Variants in ANO4 observed in about 807,000 individuals in gnomAD.
ANO4 encodes anoctamin 4, also known as anoctamin-4.
In ANO4, 69 loss-of-function variants were observed where a neutral mutation model predicts 141.9. The ratio of observed to expected loss-of-function variants is 0.49; its 90% confidence interval spans 0.40 to 0.59. The LOEUF (loss-of-function observed/expected upper bound fraction) is 0.59, where lower values mean the gene tolerates loss of function less well. ANO4 is among the 20% of genes least tolerant of loss of function. The pLI, the probability that ANO4 is intolerant of heterozygous loss-of-function variation, is 0.00. For synonymous variants in ANO4, 350 were observed against 394.3 expected (o/e 0.89, Z 1.33); for missense variants, 894 against 1,162.2 (o/e 0.77, Z 3.36).
chr12:101,086,742 C>A lies in ANO4; in HGVS notation c.1619C>A (p.Ala540Glu). ...AGCACTTTCGCTGCCTTTAAGTGGG[C>A]GTTAATCAGGAATAACTCTCAGGTT... Reference protein sequence around the residue: ...TVSTFAAFKWALIRNNSQVAT... With the variant: ...TVSTFAAFKWELIRNNSQVAT... Residue 540 changes from alanine (A) to glutamate (E), a missense_variant, in exon 17 of 28, where the codon GCG becomes GAG. Ala to Glu is a moderately radical substitution (Grantham distance 107, BLOSUM62 -1). Coordinates refer to ENST00000392977, the MANE Select transcript of ANO4 (RefSeq NM_001286615.2). 6.2e-7 allele frequency: 1 copy of A among 1,613,734 alleles called. No homozygotes were observed. Among genetic ancestry groups the A allele is most frequent in the African/African-American group, 1.3e-5 (1 of 74,984 alleles).
Position 101,122,262 on chromosome 12 carries a change from T to C in ANO4, c.2676+1637T>C, listed in dbSNP as rs866582756. Among the ~76,000 whole-genome samples, 3 of 152,370 alleles carry C rather than the reference T, an allele frequency of 2.0e-5. No homozygotes were observed. The South Asian group carries it at 6.2e-4, about 32-fold the overall frequency. On this transcript the variant is annotated intron_variant, in intron 26 of 27. Transcript: ENST00000392977. ...TTTGTTTTTTACATGTTGATTTGTTTAAGTTCCTTACAGATTCTGGGTATT... is the reference window on the plus strand; with the variant it reads ...TTTGTTTTTTACATGTTGATTTGTTCAAGTTCCTTACAGATTCTGGGTATT...
chr12:100,912,084 A>G (rs548662181), intron 2 of ANO4, among the ~76,000 whole-genome samples: 2 of 152,170 alleles, frequency 1.3e-5, no homozygotes, highest in South Asian at 4.1e-4. Context: ...ACAGACCCCA[A>G]CTAAAACCCA....
At chr12:100,755,872 T>C (rs1223890263) in intron 3 of ANO4, among the ~76,000 whole-genome samples, 4 of 152,198 alleles carry the variant, frequency 2.6e-5, no homozygotes, top group African/African-American at 9.6e-5. Flanking sequence ...CCACTTTCTC[T>C]GTGCTAGGGG....
chr12:100,909,754 G>A (rs2041017252), intron 2 of ANO4, among the ~76,000 whole-genome samples: 1 of 152,124 alleles, frequency 6.6e-6, no homozygotes, highest in African/African-American at 2.4e-5. Flanking sequence ...CTGAAAGCAA[G>A]CTTTATCGTT....
At chr12:100,908,373 A>G (rs1273141064) in intron 2 of ANO4, among the ~76,000 whole-genome samples, 1 of 152,116 alleles carries the variant, frequency 6.6e-6, no homozygotes, top group Non-Finnish European at 1.5e-5. Context: ...AAACAAAACA[A>G]AAAAACATCA....
intron 9 of ANO4, among the ~76,000 whole-genome samples, chr12:101,027,449 T>A (rs1036661940): frequency 2.6e-5 from 4 of 152,306 alleles, no homozygotes; most frequent in African/African-American, 7.2e-5. Flanking sequence ...CATAACTGCC[T>A]GATAAGCTAA....
At chr12:100,717,871 G>A (rs1401697529) in intron 1 of ANO4, among the ~76,000 whole-genome samples, 1 of 152,218 alleles carries the variant, frequency 6.6e-6, no homozygotes, top group Non-Finnish European at 1.5e-5. Context: ...CTAGCGGGGT[G>A]AGGCTTGGAG....
intron 1 of ANO4, among the ~76,000 whole-genome samples, chr12:100,728,613 T>C (rs1199864464): frequency 1.3e-5 from 2 of 152,222 alleles, no homozygotes; most frequent in African/African-American, 4.8e-5. Context: ...AATAGAGTTA[T>C]ACCTTAAAAG....
intron 3 of ANO4, among the ~76,000 whole-genome samples, chr12:100,784,031 G>A (rs933609091): frequency 1.3e-5 from 2 of 152,022 alleles, no homozygotes; most frequent in African/African-American, 2.4e-5. Context: ...TGCTGCCTAC[G>A]GCAAGTGCAA....
chr12:101,065,091 T>G (rs1393494131), intron 14 of ANO4, among the ~76,000 whole-genome samples: 1 of 152,166 alleles, frequency 6.6e-6, no homozygotes, highest in Non-Finnish European at 1.5e-5. Flanking sequence ...AGTGCTTTGT[T>G]TAAGTGAAAA....
rs138988387 is a variant in ANO4 at position 101,030,882 on chromosome 12, C to G, written c.842-6213C>G. Among the ~76,000 whole-genome samples, 295 of 152,024 alleles carry G rather than the reference C, an allele frequency of 1.9e-3. 4 individuals are homozygous for G. In the South Asian group the frequency reaches 0.032, roughly 16 times the overall value. On this transcript the variant is annotated intron_variant, in intron 9 of 27. Coordinates refer to ENST00000392977, the MANE Select transcript of ANO4 (RefSeq NM_001286615.2). Reference sequence around the variant, plus strand: ...CGCAGACACTCTCCCAAGGCTCAACCAGGAAGAAGTTGAATCCCTGAATAG... The same window carrying G: ...CGCAGACACTCTCCCAAGGCTCAACGAGGAAGAAGTTGAATCCCTGAATAG...
rs2036979538 is a variant in ANO4 at position 100,837,296 on chromosome 12, A to ATT, written c.-141+42269_-141+42270insTT. Among the ~76,000 whole-genome samples the ATT allele has an allele frequency of 6.6e-5, 10 of 152,212 alleles. 1 individual carries two copies. The South Asian group carries it at 2.1e-3, about 32-fold the overall frequency. ...CATATGAGATAAATAGTACTGTTAT[A>ATT]ATATCATTTTCGTTTGGCAGATAAG... On this transcript the variant is annotated intron_variant, in intron 1 of 27. Transcript: ENST00000392977.
At chr12:101,113,550 C>T (rs567977346) in intron 24 of ANO4, among the ~76,000 whole-genome samples, 2 of 152,216 alleles carry the variant, frequency 1.3e-5, no homozygotes, top group Admixed American at 1.3e-4. Context: ...ATCCATTAGT[C>T]ATTTTTCATG....
chr12:100,822,305 G>T (rs553605841), intron 1 of ANO4, among the ~76,000 whole-genome samples: 1 of 152,116 alleles, frequency 6.6e-6, no homozygotes, highest in Non-Finnish European at 1.5e-5. Flanking sequence ...TCCTTGACCA[G>T]TCAGCAGGTA....
rs1033536545 is a variant in ANO4, at chr12:101,128,314, C to T, written c.*458C>T. Reference sequence around the variant, plus strand: ...CATGTCACCAACAACACAGACAAGACCCTGTTTACAACTTTTTCTTTCCTT... The same window carrying T: ...CATGTCACCAACAACACAGACAAGATCCTGTTTACAACTTTTTCTTTCCTT... On this transcript the variant is annotated 3_prime_UTR_variant, in exon 28 of 28. Transcript: ENST00000392977. The T allele has an allele frequency of 2.6e-5, 4 of 152,510 alleles. No homozygotes were observed. The highest frequency in any genetic ancestry group is 7.2e-5 in the African/African-American group (3 of 41,402). The allele number at this position is 152,510 out of a possible 1,614,324, so 9.4% of individuals were successfully genotyped here. A position where few individuals can be genotyped will look rare whatever the true frequency, so the allele number is the denominator to read the frequency against.
intron 1 of ANO4, among the ~76,000 whole-genome samples, chr12:100,796,591 C>G (rs1221760700): frequency 6.6e-6 from 1 of 151,452 alleles, no homozygotes; most frequent in Admixed American, 6.6e-5. Context: ...CATGTTAGCC[C>G]TGTTCAAGAG....
chr12:100,816,247 CAT>C (rs1415324001), intron 1 of ANO4, among the ~76,000 whole-genome samples: 8 of 151,996 alleles, frequency 5.3e-5, no homozygotes, highest in South Asian at 4.1e-4. Context: ...GAAACAGACA[CAT>C]GAGTAATATA....
chr12:100,966,365 TA>T (rs1419443547), intron 5 of ANO4, among the ~76,000 whole-genome samples: 2 of 151,484 alleles, frequency 1.3e-5, no homozygotes, highest in Non-Finnish European at 2.9e-5. Context: ...ACAGAGAAGT[TA>T]AATAGCTTGT....
chr12:100,778,322 G>T (rs947998877), intron 3 of ANO4, among the ~76,000 whole-genome samples: 1 of 152,170 alleles, frequency 6.6e-6, no homozygotes, highest in Admixed American at 6.5e-5. Flanking sequence ...GTGAATGTAT[G>T]CTTGAATTTT....
Sources: allele counts gnomAD v4.1 joint callset (sites outside exome capture counted in the v4.1 genomes callset), GRCh38; gene constraint gnomAD v4.1.1; transcripts MANE v1.5; gene names NCBI Gene and HGNC (gene_info 2026-07-23, HGNC 2026-07-21).